The following CDH13 variants were observed in gnomAD, a reference collection of about 807,000 sequenced individuals.
CDH13 encodes cadherin 13, also known as cadherin-13.
Under a neutral mutation model 63.8 loss-of-function variants are expected in CDH13, and 24 were observed. The observed-to-expected ratio is 0.38, with a 90% confidence interval of 0.27 to 0.53. The LOEUF (loss-of-function observed/expected upper bound fraction) is 0.53, where lower values mean the gene tolerates loss of function less well. CDH13 is among the 20% of genes least tolerant of loss of function. The pLI is 0.85. For missense variants in CDH13, 1,049 were observed against 903.1 expected (o/e 1.16, Z -2.07); for synonymous variants, 503 against 355.3 (o/e 1.42, Z -4.67).
intron 1 of CDH13, among the ~76,000 whole-genome samples, chr16:82,840,923 G>C (rs2038984299): frequency 6.6e-6 from 1 of 152,198 alleles, no homozygotes; most frequent in Non-Finnish European, 1.5e-5. Flanking sequence ...AGGTCAGAAA[G>C]TTAGTGTCAA....
At chr16:82,660,285 A>G (rs1911780066) in intron 1 of CDH13, among the ~76,000 whole-genome samples, 1 of 152,184 alleles carries the variant, frequency 6.6e-6, no homozygotes, top group Non-Finnish European at 1.5e-5. Context: ...AAGTAAAATG[A>G]TCACACGTGG....
At chr16:82,818,510 C>G (rs1472044032) in intron 1 of CDH13, among the ~76,000 whole-genome samples, 1 of 152,046 alleles carries the variant, frequency 6.6e-6, no homozygotes, top group Admixed American at 6.6e-5. Context: ...TGAGCACATA[C>G]AAGAGGGAAT....
At chr16:82,752,252 T>C (rs1286213117) in intron 1 of CDH13, among the ~76,000 whole-genome samples, 2 of 152,188 alleles carry the variant, frequency 1.3e-5, no homozygotes, top group Non-Finnish European at 2.9e-5. Context: ...GGAAATGTAA[T>C]GGAACTAATA....
intron 5 of CDH13, among the ~76,000 whole-genome samples, chr16:83,257,523 G>C (rs1235698946): frequency 2.6e-5 from 4 of 152,144 alleles, no homozygotes; most frequent in African/African-American, 9.7e-5. Flanking sequence ...AAATGTCTCA[G>C]GGAAAGGTTC....
chr16:83,102,772 A>G (rs1485739053), intron 3 of CDH13, among the ~76,000 whole-genome samples: 1 of 152,096 alleles, frequency 6.6e-6, no homozygotes, highest in East Asian at 1.9e-4. Context: ...GGAATTGGAT[A>G]AGGGTAAGAG....
intron 11 of CDH13, among the ~76,000 whole-genome samples, chr16:83,762,310 G>T (rs1914038144): frequency 6.6e-6 from 1 of 152,010 alleles, no homozygotes; most frequent in African/African-American, 2.4e-5. Flanking sequence ...TCAAAATAGT[G>T]CCTTCAGAGT....
At position 83,113,793 on chromosome 16, in the gene CDH13, C is replaced by T. The variant is rs568402420; in HGVS notation, c.367-11592C>T. 2.5e-3 allele frequency among the ~76,000 whole-genome samples: 384 copies of T among 152,250 alleles called. 2 individuals carry two copies. Among genetic ancestry groups the T allele is most frequent in the Admixed American group, 4.2e-3 (64 of 15,298 alleles). Reference sequence around the variant, plus strand: ...TGAGAAGCCCTCAGACAAGCACCTGCAATTGGAGGGTGCGTGCAGCTGAGA... The same window carrying T: ...TGAGAAGCCCTCAGACAAGCACCTGTAATTGGAGGGTGCGTGCAGCTGAGA... On this transcript the variant is annotated intron_variant, in intron 3 of 13. Transcript: ENST00000567109.
intron 3 of CDH13, among the ~76,000 whole-genome samples, chr16:83,116,129 C>G (rs2035281190): frequency 6.6e-6 from 1 of 152,196 alleles, no homozygotes; most frequent in Non-Finnish European, 1.5e-5. Context: ...GCGGTCCCAG[C>G]TGTAGAATGC....
chr16:83,357,856 C>T (rs561583461), intron 6 of CDH13, among the ~76,000 whole-genome samples: 6 of 152,250 alleles, frequency 3.9e-5, no homozygotes, highest in Non-Finnish European at 7.4e-5. Flanking sequence ...CACAGGAACC[C>T]ATTCCTCTAA....
intron 1 of CDH13, among the ~76,000 whole-genome samples, chr16:82,703,849 G>A (rs1265513620): frequency 6.6e-6 from 1 of 152,118 alleles, no homozygotes; most frequent in Non-Finnish European, 1.5e-5. Flanking sequence ...GTCATTCAGA[G>A]CCCCGTCAGT....
At chr16:83,498,688 T>C (rs552463914) in intron 7 of CDH13, among the ~76,000 whole-genome samples, 2 of 152,326 alleles carry the variant, frequency 1.3e-5, no homozygotes, top group East Asian at 3.9e-4. Context: ...ATGCATTTTT[T>C]CTCCCACTAT....
Position 83,738,942 on chromosome 16 carries a change from T to C in CDH13, c.1539-9166T>C, listed in dbSNP as rs115411377. On this transcript the variant is annotated intron_variant, in intron 10 of 13. Transcript: ENST00000567109. Reference sequence around the variant, plus strand: ...GGGGGGTTTAGGAGAAATAGGAATTTAGTGATTTCTAAAGATAAGTAGAAT... The same window carrying C: ...GGGGGGTTTAGGAGAAATAGGAATTCAGTGATTTCTAAAGATAAGTAGAAT... Among the ~76,000 whole-genome samples the C allele has an allele frequency of 3.3e-3, 505 of 152,264 alleles. 4 individuals are homozygous for C. The highest frequency in any genetic ancestry group is 0.011 in the African/African-American group (463 of 41,538).
chr16:83,229,515 G>A (rs1218386025), intron 5 of CDH13, among the ~76,000 whole-genome samples: 7 of 151,676 alleles, frequency 4.6e-5, no homozygotes, highest in African/African-American at 1.5e-4. Context: ...CTTCTACGGG[G>A]GTTTATCAGT....
chr16:82,633,711 T>C (rs1908308415), intron 1 of CDH13, among the ~76,000 whole-genome samples: 1 of 152,182 alleles, frequency 6.6e-6, no homozygotes, highest in East Asian at 1.9e-4. Context: ...TGTCACATCC[T>C]AGCACCGTCC....
At chr16:82,847,647 T>A (rs2039316423) in intron 1 of CDH13, among the ~76,000 whole-genome samples, 1 of 152,230 alleles carries the variant, frequency 6.6e-6, no homozygotes. Flanking sequence ...CCATGTAATC[T>A]AACATATTCA....
chr16:83,571,942 C>T (rs1386662191), intron 7 of CDH13, among the ~76,000 whole-genome samples: 1 of 152,068 alleles, frequency 6.6e-6, no homozygotes, highest in African/African-American at 2.4e-5. Flanking sequence ...GTCATTTCCT[C>T]TGGACTAACT....
chr16:82,649,233 C>T (rs539233724), intron 1 of CDH13, among the ~76,000 whole-genome samples: 21 of 152,228 alleles, frequency 1.4e-4, no homozygotes, highest in African/African-American at 4.6e-4. Flanking sequence ...CAAGGTCACA[C>T]AGGGTCCAAA....
chr16:83,359,591 T>C (rs532858792), intron 6 of CDH13, among the ~76,000 whole-genome samples: 48 of 152,296 alleles, frequency 3.2e-4, no homozygotes, highest in African/African-American at 1.1e-3. Context: ...TTGGTGATAA[T>C]CTTCTGTGGC....
At chr16:83,043,941 T>G (rs1485392172) in intron 3 of CDH13, among the ~76,000 whole-genome samples, 1 of 152,188 alleles carries the variant, frequency 6.6e-6, no homozygotes, top group Non-Finnish European at 1.5e-5. Context: ...AAGGCACATC[T>G]CAATTTAGAG....
Sources: gnomAD v4.1 joint callset for allele counts (sites outside exome capture counted in the v4.1 genomes callset) on GRCh38, gnomAD v4.1.1 for gene constraint, MANE v1.5 for transcripts, NCBI Gene and HGNC (gene_info 2026-07-23, HGNC 2026-07-21) for gene names.